The following KIF15 variants were observed in gnomAD, a reference collection of about 807,000 sequenced individuals.
KIF15 encodes the protein kinesin family member 15, also known as kinesin-like protein KIF15.
Under a neutral mutation model 190.6 loss-of-function variants are expected in KIF15, and 140 were observed. That is an observed-to-expected ratio of 0.73 (90% CI 0.64 to 0.84). The LOEUF (loss-of-function observed/expected upper bound fraction) is 0.84, where lower values mean the gene tolerates loss of function less well. Among genes scored for constraint, KIF15 ranks in the 40% least tolerant of loss-of-function variants. KIF15 has a pLI of 0.00. For synonymous variants in KIF15, 528 were observed against 551.3 expected (o/e 0.96, Z 0.59); for missense variants, 1,372 against 1,584.4 (o/e 0.87, Z 2.28).
At position 44,805,171 on chromosome 3, in the gene KIF15, A is replaced by G; in HGVS notation, c.1829+3A>G. 6.2e-7 allele frequency: 1 copy of G among 1,609,786 alleles called. No individual in the cohort carries two copies. Among genetic ancestry groups the G allele is most frequent in the Non-Finnish European group, 8.5e-7 (1 of 1,178,602 alleles). On this transcript the variant is annotated splice_donor_region_variant and intron_variant, in intron 15 of 34. Coordinates refer to ENST00000326047, the MANE Select transcript of KIF15 (RefSeq NM_020242.3). ...GAAGAATTCAAAGAACTTACTAGGT[A>G]AAGTCTAAATACACATGCATGCACA...
chr3:44,790,573 C>T (rs1029178883), intron 7 of KIF15, among the ~76,000 whole-genome samples: 1 of 151,756 alleles, frequency 6.6e-6, no homozygotes, highest in African/African-American at 2.4e-5. Context: ...TTTATTGATT[C>T]TGTACTTTCC....
Position 44,812,096 on chromosome 3 carries a change from G to A in KIF15, c.2170-86G>A, listed in dbSNP as rs549748745. The A allele has an allele frequency of 6.1e-6, 6 of 984,346 alleles. No individual in the cohort carries two copies. In the Admixed American group the frequency reaches 6.6e-5, roughly 11 times the overall value. 61.0% of individuals were successfully genotyped at this position (984,346 alleles called of 1,614,324 possible). On this transcript the variant is annotated intron_variant, in intron 17 of 34. Transcript: ENST00000326047. Reference sequence around the variant, plus strand: ...TTTTGAATTTGTTTTGTTTTGTTTTGTTGTCTCTTTAATGCAGACGAAATG... The same window carrying A: ...TTTTGAATTTGTTTTGTTTTGTTTTATTGTCTCTTTAATGCAGACGAAATG...
At chr3:44,807,555 C>T in intron 16 of KIF15, among the ~76,000 whole-genome samples, 2 of 152,104 alleles carry the variant, frequency 1.3e-5, no homozygotes, top group East Asian at 3.9e-4. Flanking sequence ...CATTTAGTAG[C>T]AAATCTCTTT....
intron 16 of KIF15, among the ~76,000 whole-genome samples, chr3:44,807,978 C>T (rs1707593987): frequency 6.6e-6 from 1 of 152,070 alleles, no homozygotes; most frequent in Middle Eastern, 3.4e-3. Flanking sequence ...CTCTGTCACT[C>T]AGGCTGGAGT....
At position 44,780,874 on chromosome 3, in the gene KIF15, A is replaced by AT. The variant is rs763879966; in HGVS notation, c.324-5dup. 6 of 1,572,440 alleles carry AT rather than the reference A, an allele frequency of 3.8e-6. No individual in the cohort carries two copies. Among genetic ancestry groups the AT allele is most frequent in the Non-Finnish European group, 2.6e-6 (3 of 1,151,568 alleles). On this transcript the variant is annotated splice_polypyrimidine_tract_variant and intron_variant, in intron 4 of 34. Coordinates refer to ENST00000326047, the MANE Select transcript of KIF15 (RefSeq NM_020242.3). ...TATGTGTAAAAATAATATGTAAAAC[A>AT]TTTTTTACAGTGGACAGACTGGCTC...
At chr3:44,783,916 T>A (rs1706282123) in intron 5 of KIF15, among the ~76,000 whole-genome samples, 1 of 152,236 alleles carries the variant, frequency 6.6e-6, no homozygotes, top group African/African-American at 2.4e-5. Context: ...AATATTGCTA[T>A]AACTTGAATT....
intron 20 of KIF15, among the ~76,000 whole-genome samples, chr3:44,821,093 C>G (rs1242875721): frequency 4.8e-5 from 7 of 146,130 alleles, no homozygotes; most frequent in African/African-American, 1.8e-4. Context: ...CCCCCCCCAC[C>G]TCCCTCCCGG....
intron 6 of KIF15, chr3:44,862,651 C>T (rs2125739018): frequency 6.6e-6 from 1 of 152,336 alleles, no homozygotes; most frequent in South Asian, 2.1e-4. Flanking sequence ...AGGATACTGA[C>T]AGAGACGTTC....
chr3:44,799,745 T>TC (rs1181307308), intron 10 of KIF15, among the ~76,000 whole-genome samples: 1 of 149,578 alleles, frequency 6.7e-6, no homozygotes, highest in African/African-American at 2.5e-5. Flanking sequence ...AGATAATCAT[T>TC]TAGTGTGGTA....
intron 1 of KIF15, among the ~76,000 whole-genome samples, chr3:44,771,824 A>AT (rs533704334): frequency 2.6e-5 from 4 of 151,706 alleles, no homozygotes; most frequent in South Asian, 4.2e-4. Context: ...CACACAAGGA[A>AT]TTTTTTTTTG....
chr3:44,777,882 C>G (rs1005266740), intron 3 of KIF15, among the ~76,000 whole-genome samples: 4 of 152,138 alleles, frequency 2.6e-5, no homozygotes, highest in Non-Finnish European at 5.9e-5. Context: ...GCAATATGCT[C>G]TACAAAATTC....
rs375950137 is a variant in KIF15, at chr3:44,822,809, C to G, written c.2550-3230C>G. 6.2e-4 allele frequency among the ~76,000 whole-genome samples: 95 copies of G among 152,230 alleles called. 1 individual carries two copies. The highest frequency in any genetic ancestry group is 1.8e-3 in the Admixed American group (27 of 15,294). ...ACTTGATCGAATCGACTGTTGAAGC[C>G]TTGTGCAGGTGTCATGAAGTTCTCA... On this transcript the variant is annotated intron_variant, in intron 20 of 34. Coordinates refer to ENST00000326047, the MANE Select transcript of KIF15 (RefSeq NM_020242.3).
At chr3:44,803,200 G>C (rs1422202954) in intron 14 of KIF15, among the ~76,000 whole-genome samples, 1 of 152,118 alleles carries the variant, frequency 6.6e-6, no homozygotes, top group Non-Finnish European at 1.5e-5. Context: ...TAAGCTAATA[G>C]ATATAACGAG....
chr3:44,863,246 A>G (rs746982846), intron 6 of KIF15: 10 of 137,238 alleles, frequency 7.3e-5, no homozygotes, highest in East Asian at 2.4e-4. Flanking sequence ...TCAAGACACT[A>G]TGTGTTCAGC....
At chr3:44,762,695 G>T (rs1705204221) in intron 1 of KIF15, among the ~76,000 whole-genome samples, 2 of 152,178 alleles carry the variant, frequency 1.3e-5, no homozygotes, top group African/African-American at 4.8e-5. Flanking sequence ...TTCCAACGCC[G>T]TTAATGTTTC....
At position 44,851,865 on chromosome 3, in the gene KIF15, A is replaced by G. The variant is rs1271203365; in HGVS notation, c.3885A>G (p.Gln1295=). Residue 1295 remains glutamine, a synonymous_variant, in exon 33 of 35, where the codon CAA becomes CAG. Transcript: ENST00000326047. Reference sequence around the variant, plus strand: ...TGACTGATGAAGTCGAACGAACCCAAACTTTGGAGTCTAAAGCATTCCAGG... The same window carrying G: ...TGACTGATGAAGTCGAACGAACCCAGACTTTGGAGTCTAAAGCATTCCAGG... The part of the protein sequence containing the change: ...LRMTDEVERT[Q]TLESKAFQEK... 3 of 1,613,954 alleles carry G rather than the reference A, an allele frequency of 1.9e-6. No homozygotes were observed. The East Asian group carries it at 6.7e-5, about 36-fold the overall frequency.
intron 26 of KIF15, among the ~76,000 whole-genome samples, chr3:44,836,620 C>G (rs1698335684): frequency 6.6e-6 from 1 of 152,058 alleles, no homozygotes; most frequent in Non-Finnish European, 1.5e-5. Context: ...AGGTAGCTCC[C>G]CAAAGAAGGA....
Position 44,794,513 on chromosome 3 carries a change from A to G in KIF15, c.849+87A>G, listed in dbSNP as rs190471650. On this transcript the variant is annotated intron_variant, in intron 8 of 34. Coordinates refer to ENST00000326047, the MANE Select transcript of KIF15 (RefSeq NM_020242.3). Reference sequence around the variant, plus strand: ...GTGATGCATGACAGTGTCTCAGTCAATGAGGAACTGCATTTATGATGGGGG... The same window carrying G: ...GTGATGCATGACAGTGTCTCAGTCAGTGAGGAACTGCATTTATGATGGGGG... The G allele has an allele frequency of 7.7e-5, 75 of 969,366 alleles. No individual in the cohort carries two copies. The Admixed American group carries it at 1.5e-3, about 19-fold the overall frequency. The allele number at this position is 969,366 out of a possible 1,614,324, so 60.0% of individuals were successfully genotyped here.
chr3:44,828,175 T>C (rs778613790), intron 23 of KIF15, 39 bp from the exon 24 acceptor site: 1 of 1,474,286 alleles, frequency 6.8e-7, no homozygotes, highest in South Asian at 1.1e-5. Flanking sequence ...AACTTTGCGA[T>C]TTAATTATTC....
Sources: gnomAD v4.1 joint callset for allele counts (sites outside exome capture counted in the v4.1 genomes callset) on GRCh38, gnomAD v4.1.1 for gene constraint, MANE v1.5 for transcripts, NCBI Gene and HGNC (gene_info 2026-07-23, HGNC 2026-07-21) for gene names.